Variants in APC observed in about 807,000 individuals in gnomAD.
The protein encoded by APC is APC regulator of Wnt signaling pathway, also known as adenomatous polyposis coli protein.
In APC, 72 loss-of-function variants were observed where a neutral mutation model predicts 247.0. That is an observed-to-expected ratio of 0.29 (90% CI 0.24 to 0.35). APC has a LOEUF of 0.35. APC is among the 10% of genes least tolerant of loss of function. The probability of loss-of-function intolerance (pLI) is 1.00; values close to 1 mark genes in which losing one functional copy is unlikely to be tolerated. For missense variants in APC, 3,400 were observed against 3,360.7 expected, an observed-to-expected ratio of 1.01 and a Z score of -0.29; for synonymous variants, 1,254 against 1,162.5, an observed-to-expected ratio of 1.08 and a Z score of -1.60.
At chr5:112,834,915 C>G in intron 14 of APC, 36 bp from the exon 15 acceptor site, 1 of 1,574,924 alleles carries the variant, frequency 6.3e-7, no homozygotes. Flanking sequence ...CAAATTCCAA[C>G]TCTAATTAGA....
intron 8 of APC, among the ~76,000 whole-genome samples, chr5:112,810,539 T>C (rs968038300): frequency 5.3e-5 from 8 of 152,126 alleles, no homozygotes; most frequent in African/African-American, 1.9e-4. Context: ...TGACCATAAA[T>C]GTATATCGAC....
rs562974532 is a variant in APC, at chr5:112,789,775, A to G, written c.646-2671A>G. On this transcript the variant is annotated intron_variant, in intron 6 of 15. Transcript: ENST00000257430. ...TCACTCATCTTTGCAATATCTTTAG[A>G]AAACTAGCAAAAGTACAGGTACTTC... is the stretch of plus-strand genomic sequence containing the variant. Among the ~76,000 whole-genome samples, 3 of 152,348 alleles carry G rather than the reference A, an allele frequency of 2.0e-5. No individual in the cohort carries two copies. In the East Asian group the frequency reaches 5.8e-4, roughly 29 times the overall value.
chr5:112,783,447 ATAAGAGATT>A (rs1429251271), intron 6 of APC, among the ~76,000 whole-genome samples: 1 of 152,122 alleles, frequency 6.6e-6, no homozygotes, highest in African/African-American at 2.4e-5. Context: ...GGTAGAATAT[ATAAGAGATT>A]TAATATCCCT....
At chr5:112,803,360 G>C (rs1761035952) in intron 8 of APC, among the ~76,000 whole-genome samples, 1 of 152,138 alleles carries the variant, frequency 6.6e-6, no homozygotes, top group Non-Finnish European at 1.5e-5. Context: ...CAAAAAGTTA[G>C]AAATAACCTA....
In APC at chr5:112,840,552, C is replaced by T. The variant is rs1485282469; in HGVS notation, c.4958C>T (p.Thr1653Ile). The T allele has an allele frequency of 2.5e-6, 4 of 1,614,136 alleles. 1 individual carries two copies. The highest frequency in any genetic ancestry group is 3.4e-6 in the Non-Finnish European group (4 of 1,179,986). Residue 1653 changes from threonine (T) to isoleucine (I), a missense_variant, in exon 16 of 16, where the codon ACA becomes ATA. Coordinates refer to ENST00000257430, the MANE Select transcript of APC (RefSeq NM_000038.6). The surrounding 1 kb of genome is among the most constrained non-coding windows in gnomAD (Gnocchi z 4.1). Reference protein sequence around the residue: ...CVEGTPINFSTATSLSDLTIE... With the variant: ...CVEGTPINFSIATSLSDLTIE... ...GAAGGGACACCTATAAACTTTTCCA[C>T]AGCTACATCTCTAAGTGATCTAACA...
At chr5:112,833,533 A>C (rs1764539749) in intron 14 of APC, among the ~76,000 whole-genome samples, 1 of 152,128 alleles carries the variant, frequency 6.6e-6, no homozygotes. Flanking sequence ...TGTGTTGCCC[A>C]GGCTGGTTTT....
intron 5 of APC, 29 bp from the exon 6 acceptor site, chr5:112,780,761 T>G: frequency 6.7e-7 from 1 of 1,486,072 alleles, no homozygotes; most frequent in Non-Finnish European, 9.4e-7. Flanking sequence ...TACAAGATAT[T>G]GATACTTTTT....
At chr5:112,713,869 G>A (rs1751006414) in intron 1 of APC, among the ~76,000 whole-genome samples, 1 of 152,166 alleles carries the variant, frequency 6.6e-6, no homozygotes, top group Non-Finnish European at 1.5e-5. Flanking sequence ...TGTTGGCTAG[G>A]CTGGTCTTGA....
chr5:112,746,894 C>T (rs184482381), intron 1 of APC, among the ~76,000 whole-genome samples: 4 of 152,290 alleles, frequency 2.6e-5, no homozygotes, highest in African/African-American at 7.2e-5. Context: ...CCCAGAAAAT[C>T]CACTGGAAAC....
At chr5:112,723,860 T>C (rs1312681083) in intron 1 of APC, among the ~76,000 whole-genome samples, 1 of 152,180 alleles carries the variant, frequency 6.6e-6, no homozygotes, top group Non-Finnish European at 1.5e-5. Context: ...CTGCTACTCT[T>C]TGCCAAGCAA....
At chr5:112,769,059 T>TC (rs1756718012) in intron 4 of APC, among the ~76,000 whole-genome samples, 1 of 141,430 alleles carries the variant, frequency 7.1e-6, no homozygotes, top group Admixed American at 6.9e-5. Flanking sequence ...TCTTTTTTTT[T>TC]TTTTTTTTTT....
At chr5:112,818,913 G>A (rs1316478889) in intron 9 of APC, 53 bp from the exon 10 acceptor site, 2 of 1,455,132 alleles carry the variant, frequency 1.4e-6, no homozygotes, top group Non-Finnish European at 1.8e-6. Context: ...ATTGGTTTTT[G>A]GCTTTTGGAT....
rs730881244 is a variant in APC, at chr5:112,838,839, C to G, written c.3245C>G (p.Thr1082Ser). 6.9e-5 allele frequency: 111 copies of G among 1,614,042 alleles called. No homozygotes were observed. The highest frequency in any genetic ancestry group is 8.5e-5 in the Non-Finnish European group (100 of 1,180,040). The change falls in exon 16 of 16, where the codon ACT becomes AGT. Residue 1082 changes from threonine to serine, a missense_variant. Around this residue, in one of 9 missense-constraint regions of APC, gnomAD observed 715 missense variants for 656.6 expected, o/e 1.09. Coordinates refer to ENST00000257430, the MANE Select transcript of APC (RefSeq NM_000038.6). Reference sequence around the variant, plus strand: ...ACTTATCCTGTTTATACTGAGAGCACTGATGATAAACACCTCAAGTTCCAA... The same window carrying G: ...ACTTATCCTGTTTATACTGAGAGCAGTGATGATAAACACCTCAAGTTCCAA... ...STTYPVYTES[T>S]DDKHLKFQPH...
At chr5:112,710,398 TTA>T (rs367990036) in intron 1 of APC, among the ~76,000 whole-genome samples, 9 of 151,906 alleles carry the variant, frequency 5.9e-5, no homozygotes, top group Non-Finnish European at 1.2e-4. Context: ...TGTCATCTCT[TTA>T]TATATATATA....
intron 8 of APC, among the ~76,000 whole-genome samples, chr5:112,814,645 C>G (rs1762313477): frequency 6.6e-6 from 1 of 152,190 alleles, no homozygotes; most frequent in African/African-American, 2.4e-5. Context: ...CCCTCATTTC[C>G]TACCTGTGAT....
chr5:112,724,326 T>C (rs771259192), intron 1 of APC, among the ~76,000 whole-genome samples: 11 of 152,086 alleles, frequency 7.2e-5, no homozygotes, highest in Non-Finnish European at 1.3e-4. Flanking sequence ...GTTGGTACTT[T>C]GGGAGCATGG....
intron 4 of APC, among the ~76,000 whole-genome samples, chr5:112,771,171 A>G (rs1426044161): frequency 6.6e-6 from 1 of 152,134 alleles, no homozygotes; most frequent in African/African-American, 2.4e-5. Flanking sequence ...GTGCTGTTTA[A>G]AGGAAGATGA....
chr5:112,821,400 C>T lies in APC; in HGVS notation c.1313-496C>T, dbSNP rs75641819. On this transcript the variant is annotated intron_variant, in intron 10 of 15. Transcript: ENST00000257430. ...GGTATGCCTGTAGTCCTAGCTGCTCCGGAAGCTGAGGCAGGAAGGTCAATT... is the reference window on the plus strand; with the variant it reads ...GGTATGCCTGTAGTCCTAGCTGCTCTGGAAGCTGAGGCAGGAAGGTCAATT... 4.6e-3 allele frequency among the ~76,000 whole-genome samples: 694 copies of T among 151,662 alleles called. 7 individuals are homozygous for T. The highest frequency in any genetic ancestry group is 0.016 in the African/African-American group (669 of 41,346).
chr5:112,826,503 CA>C (rs2149805734), intron 11 of APC, among the ~76,000 whole-genome samples: 1 of 147,858 alleles, frequency 6.8e-6, no homozygotes, highest in Non-Finnish European at 1.5e-5. Context: ...TTGATATTAT[CA>C]ACGAGAAGTA....
Sources: allele counts gnomAD v4.1 joint callset (sites outside exome capture counted in the v4.1 genomes callset), GRCh38; gene constraint gnomAD v4.1.1; regional missense constraint gnomAD v4.1.1; non-coding constraint Gnocchi (gnomAD v3.1); transcripts MANE v1.5; gene names NCBI Gene and HGNC (gene_info 2026-07-23, HGNC 2026-07-21).